SRSF11: variants seen among roughly 807,000 people sequenced by gnomAD.
The protein encoded by SRSF11 is serine/arginine-rich splicing factor 11.
A neutral mutation model predicts 56.0 loss-of-function variants in SRSF11; 9 were observed. The ratio of observed to expected loss-of-function variants is 0.16; its 90% CI spans 0.10 to 0.28. The LOEUF is 0.28. Ranked by LOEUF, SRSF11 falls within the 10% of genes least tolerant of loss-of-function variation. The pLI is 1.00. For synonymous variants in SRSF11, 222 were observed against 215.3 expected (o/e 1.03, Z -0.27); for missense variants, 421 against 600.7 (o/e 0.70, Z 3.13).
intron 1 of SRSF11, among the ~76,000 whole-genome samples, chr1:70,224,346 C>T (rs550062663): frequency 2.2e-4 from 34 of 152,186 alleles, no homozygotes; most frequent in African/African-American, 7.7e-4. Flanking sequence ...TTTATTTTTC[C>T]GATGTCACCT....
At chr1:70,221,981 GT>G in intron 1 of SRSF11, 142 bp downstream of exon 1, 4 of 1,421,458 alleles carry the variant, frequency 2.8e-6, no homozygotes, top group Non-Finnish European at 3.7e-6. Context: ...ACTTAAGACG[GT>G]TGTGTTCCAG....
chr1:70,221,630 C>G lies in SRSF11; in HGVS notation c.-7C>G. The G allele has an allele frequency of 6.2e-7, 1 of 1,606,778 alleles. No individual in the cohort carries two copies. The highest frequency in any genetic ancestry group is 8.5e-7 in the Non-Finnish European group (1 of 1,176,478). On this transcript the variant is annotated 5_prime_UTR_variant, in exon 1 of 12. Transcript: ENST00000370949. ...GTTAAAGCAGGAGCGAGAACCCGAG[C>G]AGCGCCATGAGCAACACTACCGTCG... is the stretch of plus-strand genomic sequence containing the variant.
In SRSF11 at chr1:70,250,080, A is replaced by C. The variant is rs370139177; in HGVS notation, c.1118+33A>C. On this transcript the variant is annotated intron_variant, in intron 10 of 11. Coordinates refer to ENST00000370949, the MANE Select transcript of SRSF11 (RefSeq NM_001350605.2). The stretch of plus-strand genomic sequence containing the variant: ...TGTTAATCATTTAAATGTATTTTTT[A>C]TATTTTTCAGAGGTTTTTCATTTTA... 2.3e-5 allele frequency: 36 copies of C among 1,569,084 alleles called. No homozygotes were observed. The Middle Eastern group carries it at 5.7e-4, about 25-fold the overall frequency.
chr1:70,225,096 G>GTAACTT (rs1265805643), intron 1 of SRSF11, among the ~76,000 whole-genome samples: 3 of 152,200 alleles, frequency 2.0e-5, no homozygotes, highest in Admixed American at 6.5e-5. Context: ...ATTTAGCCAA[G>GTAACTT]TAACTTGTAA....
At chr1:70,221,932 C>T in intron 1 of SRSF11, 93 bp downstream of exon 1, 4 of 1,529,642 alleles carry the variant, frequency 2.6e-6, no homozygotes, top group South Asian at 2.5e-5. Context: ...GCTGCTTCCC[C>T]GGGCCAGGCT....
At chr1:70,231,106 G>C in intron 2 of SRSF11, 2 of 1,289,444 alleles carry the variant, frequency 1.6e-6, no homozygotes, top group Non-Finnish European at 2.0e-6. Context: ...TCTTTTCCCT[G>C]GTTCAGCCTG....
At chr1:70,217,761 G>A (rs930559441), upstream of SRSF11, among the ~76,000 whole-genome samples, 8 of 152,072 alleles carry the variant, frequency 5.3e-5, no homozygotes, top group African/African-American at 1.9e-4. Context: ...ATATTTATTT[G>A]CTTTAATATA....
chr1:70,217,883 A>G (rs1280105537), upstream of SRSF11, among the ~76,000 whole-genome samples: 2 of 152,224 alleles, frequency 1.3e-5, no homozygotes, highest in African/African-American at 4.8e-5. Context: ...TCAACTCTTC[A>G]TTTGACTGAA....
At chr1:70,209,455 A>G (rs923538822) in intron 1 of SRSF11, among the ~76,000 whole-genome samples, 1 of 152,192 alleles carries the variant, frequency 6.6e-6, no homozygotes, top group African/African-American at 2.4e-5. Context: ...TGCCTTATGT[A>G]TGAGAGCTGC....
At chr1:70,241,975 T>G (rs973790198) in intron 7 of SRSF11, among the ~76,000 whole-genome samples, 7 of 152,120 alleles carry the variant, frequency 4.6e-5, no homozygotes, top group Non-Finnish European at 1.0e-4. Flanking sequence ...GAGACCAGCC[T>G]GGCCAACATA....
At chr1:70,235,385 TTA>T (rs1019881037) in intron 4 of SRSF11, 114 bp from the exon 5 acceptor site, 14 of 833,004 alleles carry the variant, frequency 1.7e-5, no homozygotes, top group Non-Finnish European at 2.6e-5. Context: ...ACTAAAAAAT[TTA>T]TGTTTCATGG....
At chr1:70,226,833 ATTTC>A (rs969939316) in intron 1 of SRSF11, among the ~76,000 whole-genome samples, 1 of 152,224 alleles carries the variant, frequency 6.6e-6, no homozygotes, top group African/African-American at 2.4e-5. Context: ...GACCCCTCCC[ATTTC>A]TTTAAGGAGA....
chr1:70,220,174 C>T (rs2100570604), upstream of SRSF11, among the ~76,000 whole-genome samples: 1 of 152,266 alleles, frequency 6.6e-6, no homozygotes, highest in Admixed American at 6.5e-5. Context: ...ATACATGTAT[C>T]TTCTGTTACT....
Position 70,227,497 on chromosome 1 carries a change from G to A in SRSF11, c.204-925G>A, listed in dbSNP as rs185275644. ...GATTACCCCCAACCCCCAACCCCAT[G>A]ACTCTAATACACATTAGAGTGTATT... On this transcript the variant is annotated intron_variant, in intron 1 of 11. Coordinates refer to ENST00000370949, the MANE Select transcript of SRSF11 (RefSeq NM_001350605.2). Among the ~76,000 whole-genome samples the A allele has an allele frequency of 2.0e-5, 3 of 152,210 alleles. No individual in the cohort carries two copies. The East Asian group carries it at 5.8e-4, about 29-fold the overall frequency.
intron 1 of SRSF11, among the ~76,000 whole-genome samples, chr1:70,211,171 A>AT (rs3835561): frequency 0.11 from 15,863 of 146,360 alleles, 940 homozygotes; most frequent in East Asian, 0.31. Context: ...GGATTTTATG[A>AT]TTTTTTTTTT....
intron 1 of SRSF11, among the ~76,000 whole-genome samples, chr1:70,227,991 C>T (rs1672179626): frequency 1.3e-5 from 2 of 152,124 alleles, no homozygotes; most frequent in South Asian, 2.1e-4. Context: ...AGTACATGTT[C>T]GTTCTCATGA....
At position 70,250,297 on chromosome 1, in the gene SRSF11, T is replaced by C. The variant is rs1466147620; in HGVS notation, c.1119-68T>C. 3 of 1,582,828 alleles carry C rather than the reference T, an allele frequency of 1.9e-6. No individual in the cohort carries two copies. The Admixed American group carries it at 5.6e-5, about 30-fold the overall frequency. On this transcript the variant is annotated intron_variant, in intron 10 of 11. Transcript: ENST00000370949. ...TCTTTGCTGTACTACTTATATCCTG[T>C]GAAATTGAGTCAGGCTCATCATCTA...
intron 1 of SRSF11, among the ~76,000 whole-genome samples, chr1:70,223,625 A>G (rs148765777): frequency 3.8e-4 from 58 of 152,342 alleles, no homozygotes; most frequent in African/African-American, 1.4e-3. Flanking sequence ...CTTCCCACAT[A>G]CAAGATCATT....
rs1222068238 is a variant in SRSF11, at chr1:70,252,995, C to A, written c.*2190C>A. ...TCAAACACTGCCTCCACACCGAGTT[C>A]TGTTGTGTATTTGATAGTAAATTGA... is the stretch of plus-strand genomic sequence containing the variant. On this transcript the variant is annotated 3_prime_UTR_variant, in exon 12 of 12. Transcript: ENST00000370949. 2 of 152,102 alleles carry A rather than the reference C, an allele frequency of 1.3e-5. No individual in the cohort carries two copies. The highest frequency in any genetic ancestry group is 2.4e-5 in the African/African-American group (1 of 41,422). 9.4% of individuals were successfully genotyped at this position (152,102 alleles called of 1,614,324 possible). A position where few individuals can be genotyped will look rare whatever the true frequency, so the allele number is the denominator to read the frequency against.
Sources: gnomAD v4.1 joint callset for allele counts (sites outside exome capture counted in the v4.1 genomes callset) on GRCh38, gnomAD v4.1.1 for gene constraint, MANE v1.5 for transcripts, NCBI Gene and HGNC (gene_info 2026-07-23, HGNC 2026-07-21) for gene names.